Variants in VGF observed in about 807,000 individuals in gnomAD.
VGF encodes neurosecretory protein VGF.
Under a neutral mutation model 41.1 loss-of-function variants are expected in VGF, and 13 were observed. That is an observed-to-expected ratio of 0.32 (90% CI 0.21 to 0.50). The LOEUF (loss-of-function observed/expected upper bound fraction) is 0.50, where lower values mean the gene tolerates loss of function less well. VGF is among the 20% of genes least tolerant of loss of function. VGF has a pLI of 0.98. For synonymous variants in VGF, 473 were observed against 418.3 expected, an observed-to-expected ratio of 1.13 and a Z score of -1.60; for missense variants, 920 against 882.1, an observed-to-expected ratio of 1.04 and a Z score of -0.54.
chr7:101,164,284 G>T lies in VGF; in HGVS notation c.560C>A (p.Thr187Asn). 6.2e-7 allele frequency: 1 copy of T among 1,606,996 alleles called. No individual in the cohort carries two copies. ...QQETAAAETE[T>N]RTHTLTRVNL... ...CACTCGGGTCAGCGTGTGCGTGCGG[G>T]TTTCCGTCTCTGCTGCCGCCGTCTC... Residue 187 changes from threonine to asparagine, a missense_variant, in exon 2 of 2, where the codon ACC becomes AAC. Thr to Asn is a moderately conservative substitution (Grantham distance 65, BLOSUM62 0). Transcript: ENST00000249330.
Position 101,164,137 on chromosome 7 carries a change from G to C in VGF, c.707C>G (p.Pro236Arg). The change falls in exon 2 of 2, where the codon CCC becomes CGC. Residue 236 changes from proline to arginine, a missense_variant. By Grantham distance (103) the Pro-to-Arg change is moderately radical (BLOSUM62 -2). Around this residue, in one of 3 missense-constraint regions of VGF, gnomAD observed 654 missense variants for 638.4 expected, o/e 1.02. Transcript: ENST00000249330. ...GGTTTCGGGAAGGGGCCCGCTGTCGGGCATACGCGCCTGGAATTGAGAGGG... is the reference window on the plus strand; with the variant it reads ...GGTTTCGGGAAGGGGCCCGCTGTCGCGCATACGCGCCTGGAATTGAGAGGG... ...PAPSQFQARM[P>R]DSGPLPETHK... 1 of 1,504,274 alleles carries C rather than the reference G, an allele frequency of 6.6e-7. No homozygotes were observed. The highest frequency in any genetic ancestry group is 8.8e-7 in the Non-Finnish European group (1 of 1,134,628). 93.2% of individuals were successfully genotyped at this position (1,504,274 alleles called of 1,614,324 possible).
At chr7:101,165,612 C>T (rs751902311), upstream of VGF, 80 of 985,220 alleles carry the variant, frequency 8.1e-5, no homozygotes, top group Non-Finnish European at 8.8e-5. Context: ...GGGGAGCGCG[C>T]GGGGTCACGT....
chr7:101,169,485 C>T (rs548902698), upstream of VGF, among the ~76,000 whole-genome samples: 1 of 152,280 alleles, frequency 6.6e-6, no homozygotes, highest in Admixed American at 6.5e-5. Flanking sequence ...CCCACTTACA[C>T]AAACACAATG....
chr7:101,164,682 G>A lies in VGF; in HGVS notation c.162C>T (p.Gly54=). The A allele has an allele frequency of 2.5e-6, 4 of 1,600,144 alleles. No individual in the cohort carries two copies. The highest frequency in any genetic ancestry group is 2.6e-6 in the Non-Finnish European group (3 of 1,173,768). The change falls in exon 2 of 2, where the codon GGC becomes GGT. Residue 54 remains glycine, a synonymous_variant. Coordinates refer to ENST00000249330, the MANE Select transcript of VGF (RefSeq NM_003378.4). Reference sequence around the variant, plus strand: ...GAGCGCCTCGGACCTCTGGGGCGCTGCCATCCTTTGGCCCGGGCACTGCGT... The same window carrying A: ...GAGCGCCTCGGACCTCTGGGGCGCTACCATCCTTTGGCCCGGGCACTGCGT... ...AGDAVPGPKD[G]SAPEVRGARN...
chr7:101,166,518 G>T (rs929772782), upstream of VGF, among the ~76,000 whole-genome samples: 6 of 150,546 alleles, frequency 4.0e-5, no homozygotes, highest in Non-Finnish European at 7.4e-5. Flanking sequence ...GCGCAGGTGG[G>T]GGGGGGGTGA....
upstream of VGF, among the ~76,000 whole-genome samples, chr7:101,168,579 T>C (rs1797257391): frequency 6.6e-6 from 1 of 152,166 alleles, no homozygotes. Context: ...AGAGCCCATA[T>C]GGGGACCTAG....
At chr7:101,165,591 C>A (rs946364377), upstream of VGF, 3 of 985,424 alleles carry the variant, frequency 3.0e-6, no homozygotes, top group Non-Finnish European at 3.6e-6. Context: ...GCGCCTCCAC[C>A]GCCTTATAAA....
chr7:101,163,107 C>A lies in VGF; in HGVS notation c.1737G>T (p.Arg579=), dbSNP rs905912412. ...CCTGCGCGCGCCGCGCCTGGGCCTC[C>A]CGGCCGGGATAGTGGCGCGAAGGCG... is the stretch of plus-strand genomic sequence containing the variant. ...ALPPSRHYPG[R]EAQARRAQEE... is the part of the protein sequence containing the mutation. Residue 579 remains arginine, a synonymous_variant, in exon 2 of 2, where the codon CGG becomes CGT. Transcript: ENST00000249330. The surrounding 1 kb of genome is among the most constrained non-coding windows in gnomAD (Gnocchi z 5.0). 2.5e-6 allele frequency: 4 copies of A among 1,582,488 alleles called. No individual in the cohort carries two copies. Among genetic ancestry groups the A allele is most frequent in the Non-Finnish European group, 3.4e-6 (4 of 1,167,870 alleles).
At chr7:101,165,273 C>T in intron 1 of VGF, 101 bp downstream of exon 1, 2 of 989,524 alleles carry the variant, frequency 2.0e-6, no homozygotes, top group Non-Finnish European at 1.2e-6. Flanking sequence ...CAGGGGGCTC[C>T]CCGCTGTGTT....
upstream of VGF, among the ~76,000 whole-genome samples, chr7:101,168,921 C>A (rs1454255262): frequency 2.0e-5 from 3 of 152,034 alleles, no homozygotes; most frequent in African/African-American, 7.3e-5. Flanking sequence ...GGAGGGGGCA[C>A]TTTATGAGAG....
chr7:101,163,536 C>T lies in VGF; in HGVS notation c.1308G>A (p.Glu436=). 6.2e-7 allele frequency: 1 copy of T among 1,605,226 alleles called. No individual in the cohort carries two copies. Among genetic ancestry groups the T allele is most frequent in the South Asian group, 1.1e-5 (1 of 89,772 alleles). ...GHRRKEAEGT[E]EGGEEEDDEE... ...CGTCGTCCTCCTCCTCCCCGCCCTC[C>T]TCTGTCCCCTCGGCCTCCTTCCGCC... The change falls in exon 2 of 2, where the codon GAG becomes GAA. Residue 436 remains glutamate (E), a synonymous_variant. Transcript: ENST00000249330. This position sits in a 1 kb window ranked among gnomAD's most constrained non-coding sequence, Gnocchi z 5.0.
chr7:101,162,698 C>T lies in VGF; in HGVS notation c.*298G>A, dbSNP rs1204252492. 1 of 524,626 alleles carries T rather than the reference C, an allele frequency of 1.9e-6. No individual in the cohort carries two copies. The highest frequency in any genetic ancestry group is 1.6e-5 in the South Asian group (1 of 61,770). 32.5% of individuals were successfully genotyped at this position (524,626 alleles called of 1,614,324 possible). On this transcript the variant is annotated 3_prime_UTR_variant, in exon 2 of 2. Coordinates refer to ENST00000249330, the MANE Select transcript of VGF (RefSeq NM_003378.4). The surrounding 1 kb of genome is among the most constrained non-coding windows in gnomAD (Gnocchi z 4.2). ...AACTGGAACTGCTTTTTCCGGTTTC[C>T]GACGGGGACGTCCCCAGAGGGACTT...
Position 101,163,096 on chromosome 7 carries a change from G to T in VGF, c.1748C>A (p.Ala583Glu). 1 of 1,573,954 alleles carries T rather than the reference G, an allele frequency of 6.4e-7. No individual in the cohort carries two copies. The highest frequency in any genetic ancestry group is 8.6e-7 in the Non-Finnish European group (1 of 1,163,762). ...SRHYPGREAQ[A>E]RRAQEEAEAE... ...CTCCGCCTCCTCCTGCGCGCGCCGC[G>T]CCTGGGCCTCCCGGCCGGGATAGTG... is the stretch of plus-strand genomic sequence containing the variant. The change falls in exon 2 of 2, where the codon GCG (alanine) becomes GAG (glutamate). Residue 583 changes from alanine (A) to glutamate (E), a missense_variant. By Grantham distance (107) the Ala-to-Glu change is moderately radical. This residue lies in a region of VGF where 257 missense variants were observed against 217.2 expected (regional missense o/e 1.18). Transcript: ENST00000249330. This position sits in a 1 kb window ranked among gnomAD's most constrained non-coding sequence, Gnocchi z 5.0.
rs756387061 is a variant in VGF at position 101,164,415 on chromosome 7, C to T, written c.429G>A (p.Pro143=). The change falls in exon 2 of 2, where the codon CCG becomes CCA. Residue 143 remains proline, a synonymous_variant. Transcript: ENST00000249330. ...GATCGCTCGCCTCGGGCCCATTCTC[C>T]GGAGTCTGAGGGCGAGGCGGAGCCG... ...EPAAPPRPQT[P]ENGPEASDPS... is the part of the protein sequence containing the mutation. The T allele has an allele frequency of 1.2e-6, 2 of 1,609,976 alleles. No homozygotes were observed. The highest frequency in any genetic ancestry group is 1.7e-6 in the Non-Finnish European group (2 of 1,179,460).
In VGF at chr7:101,163,610, C is replaced by G. The variant is rs1213669663; in HGVS notation, c.1234G>C (p.Glu412Gln). Residue 412 changes from glutamate to glutamine, a missense_variant, in exon 2 of 2, where the codon GAA (glutamate) becomes CAA (glutamine). By Grantham distance (29) the Glu-to-Gln change is conservative. This residue lies in a region of VGF where 654 missense variants were observed against 638.4 expected (regional missense o/e 1.02). Coordinates refer to ENST00000249330, the MANE Select transcript of VGF (RefSeq NM_003378.4). This position sits in a 1 kb window ranked among gnomAD's most constrained non-coding sequence, Gnocchi z 5.0. ...GAGCGCTTGTCCTCGGCGCCGGCTTCCCCGTCCTCCTCCTCCGCGAACAGG... is the reference window on the plus strand; with the variant it reads ...GAGCGCTTGTCCTCGGCGCCGGCTTGCCCGTCCTCCTCCTCCGCGAACAGG... ...ALLFAEEEDG[E>Q]AGAEDKRSQE... 6.4e-7 allele frequency: 1 copy of G among 1,553,140 alleles called. No homozygotes were observed. The highest frequency in any genetic ancestry group is 8.7e-7 in the Non-Finnish European group (1 of 1,151,160).
Position 101,163,392 on chromosome 7 carries a change from C to A in VGF, c.1452G>T (p.Lys484Asn). The A allele has an allele frequency of 6.3e-7, 1 of 1,598,954 alleles. No homozygotes were observed. Residue 484 changes from lysine to asparagine, a missense_variant, in exon 2 of 2, where the codon AAG becomes AAT. Around this residue, in one of 3 missense-constraint regions of VGF, gnomAD observed 257 missense variants for 217.2 expected, o/e 1.18. Transcript: ENST00000249330. The surrounding 1 kb of genome is among the most constrained non-coding windows in gnomAD (Gnocchi z 5.0). ...GCGGCACGGGCTCGGGAGGGGCGTT[C>A]TTCTTCCGCTTCCGCTTCTCCTCCA... ...EEVEEKRKRK[K>N]NAPPEPVPPP... is the part of the protein sequence containing the mutation.
chr7:101,164,934 C>T (rs1310269930), intron 1 of VGF, 71 bp from the exon 2 acceptor site: 14 of 1,434,910 alleles, frequency 9.8e-6, no homozygotes, highest in Non-Finnish European at 1.3e-5. Flanking sequence ...ACGTTCCCTT[C>T]CCCCACCTTT....
chr7:101,168,940 G>T (rs944529303), upstream of VGF, among the ~76,000 whole-genome samples: 1 of 152,126 alleles, frequency 6.6e-6, no homozygotes, highest in Non-Finnish European at 1.5e-5. Flanking sequence ...AGGGGAAGGG[G>T]TCTCCACTTT....
Position 101,162,972 on chromosome 7 carries a change from C to T in VGF, c.*24G>A. On this transcript the variant is annotated 3_prime_UTR_variant, in exon 2 of 2. Coordinates refer to ENST00000249330, the MANE Select transcript of VGF (RefSeq NM_003378.4). The surrounding 1 kb of genome is among the most constrained non-coding windows in gnomAD (Gnocchi z 4.2). ...GGCGCGCGCGCGCGGCGGGGGCGCG[C>T]GGGGGCGGGACCGGGAAGGGCAGTC... is the stretch of plus-strand genomic sequence containing the variant. 1 of 1,220,370 alleles carries T rather than the reference C, an allele frequency of 8.2e-7. No individual in the cohort carries two copies. The highest frequency in any genetic ancestry group is 3.2e-5 in the East Asian group (1 of 31,654). The allele number at this position is 1,220,370 out of a possible 1,614,324, so 75.6% of individuals were successfully genotyped here.
Sources: gnomAD v4.1 joint callset for allele counts (sites outside exome capture counted in the v4.1 genomes callset) on GRCh38, gnomAD v4.1.1 for gene constraint, gnomAD v4.1.1 regional missense constraint, Gnocchi (gnomAD v3.1) non-coding constraint, MANE v1.5 for transcripts, NCBI Gene and HGNC (gene_info 2026-07-23, HGNC 2026-07-21) for gene names.